The following KCNIP1 variants were observed in gnomAD, a reference collection of about 807,000 sequenced individuals.
KCNIP1 encodes A-type potassium channel modulatory protein KCNIP1.
Under a neutral mutation model 33.0 loss-of-function variants are expected in KCNIP1, and 18 were observed. The ratio of observed to expected loss-of-function variants is 0.55; its 90% confidence interval spans 0.38 to 0.81. The LOEUF (loss-of-function observed/expected upper bound fraction) is 0.81, where lower values mean the gene tolerates loss of function less well. Among genes scored for constraint, KCNIP1 ranks in the 30% least tolerant of loss-of-function variants. The probability of loss-of-function intolerance (pLI) is 0.00; values close to 1 mark genes in which losing one functional copy is unlikely to be tolerated. For missense variants in KCNIP1, 238 were observed against 271.6 expected (o/e 0.88, Z 0.87); for synonymous variants, 93 against 98.3 (o/e 0.95, Z 0.32).
chr5:170,659,295 A>ATG (rs1315910082), intron 1 of KCNIP1, among the ~76,000 whole-genome samples: 1 of 152,230 alleles, frequency 6.6e-6, no homozygotes, highest in African/African-American at 2.4e-5. Context: ...TGGTGGGTGT[A>ATG]TGTCAGGATC....
intron 1 of KCNIP1, among the ~76,000 whole-genome samples, chr5:170,480,356 A>G (rs997315745): frequency 7.5e-5 from 11 of 146,182 alleles, no homozygotes; most frequent in Admixed American, 3.4e-4. Context: ...GTCTCCCAAC[A>G]TTATTGCACT....
At chr5:170,397,410 A>T (rs1317743073) in intron 1 of KCNIP1, among the ~76,000 whole-genome samples, 1 of 152,162 alleles carries the variant, frequency 6.6e-6, no homozygotes, top group African/African-American at 2.4e-5. Context: ...GCTTACATAG[A>T]TATCAGTCCA....
intron 1 of KCNIP1, among the ~76,000 whole-genome samples, chr5:170,510,470 C>A (rs1754891921): frequency 6.6e-6 from 1 of 152,148 alleles, no homozygotes; most frequent in African/African-American, 2.4e-5. Context: ...TGGGGAGAAG[C>A]TCTGCAAAAT....
In KCNIP1 at chr5:170,658,093, C is replaced by T. The variant is rs1006989614; in HGVS notation, c.62-60665C>T. 7.9e-5 allele frequency among the ~76,000 whole-genome samples: 12 copies of T among 152,278 alleles called. No homozygotes were observed. In the East Asian group the frequency reaches 2.3e-3, roughly 29 times the overall value. On this transcript the variant is annotated intron_variant, in intron 1 of 7. Transcript: ENST00000328939. ...GCAGAGGGATCAGTATAAGCAAATA[C>T]TCAGACCAAAAACAATGGCATGGGG... is the stretch of plus-strand genomic sequence containing the variant.
At chr5:170,713,254 A>G (rs971562251) in intron 1 of KCNIP1, among the ~76,000 whole-genome samples, 12 of 152,276 alleles carry the variant, frequency 7.9e-5, no homozygotes, top group Admixed American at 4.6e-4. Context: ...TTTTCTTATT[A>G]CTTTATCTCT....
chr5:170,443,800 G>A (rs1384813995), intron 1 of KCNIP1, among the ~76,000 whole-genome samples: 1 of 152,226 alleles, frequency 6.6e-6, no homozygotes, highest in Non-Finnish European at 1.5e-5. Context: ...CAGGAGCCAT[G>A]GAGGGGCTTG....
intron 1 of KCNIP1, among the ~76,000 whole-genome samples, chr5:170,442,538 G>T (rs533377541): frequency 6.6e-6 from 1 of 152,228 alleles, no homozygotes; most frequent in African/African-American, 2.4e-5. Flanking sequence ...AGTTTCTCCA[G>T]GGAAAGGCCT....
chr5:170,504,588 G>C lies in KCNIP1; in HGVS notation c.16G>C (p.Gly6Arg). The C allele has an allele frequency of 6.2e-7, 1 of 1,613,716 alleles. No homozygotes were observed. Among genetic ancestry groups the C allele is most frequent in the Non-Finnish European group, 8.5e-7 (1 of 1,179,986 alleles). The change falls in exon 1 of 8, where the codon GGC (glycine) becomes CGC (arginine). Residue 6 changes from glycine (G) to arginine (R), a missense_variant. By Grantham distance (125) the Gly-to-Arg change is moderately radical. Transcript: ENST00000328939. This position sits in a 1 kb window ranked among gnomAD's most constrained non-coding sequence, Gnocchi z 6.0. MGAVM[G>R]TFSSLQTKQR... ...CTTCGCTGCCATGGGGGCCGTCATG[G>C]GCACCTTCTCATCTCTGCAAACCAA... is the stretch of plus-strand genomic sequence containing the variant.
intron 1 of KCNIP1, among the ~76,000 whole-genome samples, chr5:170,407,359 G>C (rs1352430182): frequency 6.6e-6 from 1 of 152,220 alleles, no homozygotes; most frequent in Non-Finnish European, 1.5e-5. Context: ...ATAGATCTAA[G>C]GATGGGCAGG....
intron 1 of KCNIP1, among the ~76,000 whole-genome samples, chr5:170,539,040 G>A (rs1284403358): frequency 2.6e-5 from 4 of 151,932 alleles, no homozygotes; most frequent in African/African-American, 7.3e-5. Flanking sequence ...TATGCAATCT[G>A]CAGGTCCTAT....
chr5:170,481,716 G>C (rs1029814270), intron 1 of KCNIP1, among the ~76,000 whole-genome samples: 4 of 152,148 alleles, frequency 2.6e-5, no homozygotes, highest in Non-Finnish European at 4.4e-5. Context: ...TTAGTGAGGG[G>C]CCTGCATCTA....
At chr5:170,680,938 A>G in intron 1 of KCNIP1, 3 of 397,728 alleles carry the variant, frequency 7.5e-6, no homozygotes, top group Non-Finnish European at 1.3e-5. Context: ...GGAGGGAGGC[A>G]GAAAGAGGAA....
chr5:170,627,156 T>C (rs961089890), intron 1 of KCNIP1, among the ~76,000 whole-genome samples: 1 of 152,176 alleles, frequency 6.6e-6, no homozygotes, highest in African/African-American at 2.4e-5. Flanking sequence ...AGCACTCTGC[T>C]TTTGGGAACA....
intron 1 of KCNIP1, among the ~76,000 whole-genome samples, chr5:170,490,357 C>A (rs1250862027): frequency 6.6e-6 from 1 of 152,172 alleles, no homozygotes; most frequent in Non-Finnish European, 1.5e-5. Context: ...GGGGGTAGGG[C>A]AACTACAATT....
intron 1 of KCNIP1, among the ~76,000 whole-genome samples, chr5:170,634,207 T>G (rs768616460): frequency 5.3e-5 from 8 of 152,180 alleles, no homozygotes; most frequent in Admixed American, 1.3e-4. Flanking sequence ...TGAGGAAATA[T>G]CGGGAACTTA....
intron 1 of KCNIP1, among the ~76,000 whole-genome samples, chr5:170,380,137 T>C (rs1481224262): frequency 6.6e-6 from 1 of 152,166 alleles, no homozygotes; most frequent in Non-Finnish European, 1.5e-5. Context: ...ATTCTGACGT[T>C]GATTATTGTT....
At chr5:170,625,282 C>G (rs985214499) in intron 1 of KCNIP1, among the ~76,000 whole-genome samples, 1 of 152,184 alleles carries the variant, frequency 6.6e-6, no homozygotes, top group African/African-American at 2.4e-5. Context: ...TAGTTGGTAC[C>G]TGAGGCTGCC....
intron 1 of KCNIP1, among the ~76,000 whole-genome samples, chr5:170,649,493 C>G (rs1404259220): frequency 1.3e-5 from 2 of 152,244 alleles, no homozygotes; most frequent in African/African-American, 4.8e-5. Flanking sequence ...CAGCCATGCT[C>G]TGCTCCCCAA....
chr5:170,491,102 AT>A (rs779625294), intron 1 of KCNIP1, among the ~76,000 whole-genome samples: 1 of 152,092 alleles, frequency 6.6e-6, no homozygotes, highest in Non-Finnish European at 1.5e-5. Context: ...ACATGATCTG[AT>A]TCGTTTGTTT....
Sources: allele counts gnomAD v4.1 joint callset (sites outside exome capture counted in the v4.1 genomes callset), GRCh38; gene constraint gnomAD v4.1.1; non-coding constraint Gnocchi (gnomAD v3.1); transcripts MANE v1.5; gene names NCBI Gene and HGNC (gene_info 2026-07-23, HGNC 2026-07-21).